Variants in FREM1 observed in about 807,000 individuals in gnomAD.
FREM1 encodes FRAS1-related extracellular matrix protein 1.
FREM1 carries 220 observed loss-of-function variants against 210.1 expected under a neutral mutation model. The ratio of observed to expected loss-of-function variants is 1.05; its 90% CI spans 0.94 to 1.17. The LOEUF (loss-of-function observed/expected upper bound fraction) is 1.17, where lower values mean the gene tolerates loss of function less well. Among genes scored for constraint, FREM1 ranks in the 50% most tolerant of loss-of-function variants. The probability of loss-of-function intolerance (pLI) is 0.00; values close to 1 mark genes in which losing one functional copy is unlikely to be tolerated. For synonymous variants in FREM1, 1,189 were observed against 980.2 expected (o/e 1.21, Z -3.98); for missense variants, 3,454 against 2,675.5 (o/e 1.29, Z -6.42).
chr9:14,836,848 T>G lies in FREM1; in HGVS notation c.1881+4599A>C, dbSNP rs1196839641. ...GAGTCTTCGCCCAAAACCCCCTAAC[T>G]GCAGTTAGTGTGATATTGCCGCAGG... On this transcript the variant is annotated intron_variant, in intron 10 of 36. Transcript: ENST00000380880. This position sits in a 1 kb window ranked among gnomAD's most constrained non-coding sequence, Gnocchi z 4.9. Among the ~76,000 whole-genome samples, 1 of 152,112 alleles carries G rather than the reference T, an allele frequency of 6.6e-6. No homozygotes were observed. The highest frequency in any genetic ancestry group is 2.1e-4 in the South Asian group (1 of 4,826).
intron 1 of FREM1, among the ~76,000 whole-genome samples, chr9:14,877,987 C>CT (rs1834086021): frequency 6.6e-6 from 1 of 152,180 alleles, no homozygotes; most frequent in Non-Finnish European, 1.5e-5. Flanking sequence ...TGTGATCCCC[C>CT]GGTCCAAGCC....
At chr9:14,894,188 G>C (rs1477021804) in intron 1 of FREM1, among the ~76,000 whole-genome samples, 2 of 152,162 alleles carry the variant, frequency 1.3e-5, no homozygotes, top group Non-Finnish European at 2.9e-5. Context: ...TCTTAGGGCT[G>C]TATTTATATA....
chr9:14,877,580 C>G (rs962672905), intron 1 of FREM1, among the ~76,000 whole-genome samples: 2 of 151,960 alleles, frequency 1.3e-5, no homozygotes, highest in Non-Finnish European at 2.9e-5. Flanking sequence ...ATGGGTGTCA[C>G]TCCTATGATT....
At chr9:14,775,659 G>C in intron 25 of FREM1, 130 bp downstream of exon 25, 1 of 620,942 alleles carries the variant, frequency 1.6e-6, no homozygotes, top group Non-Finnish European at 2.7e-6. Context: ...AGTGAGCCAA[G>C]ATCACGCCAC....
At chr9:14,892,258 G>T (rs949611068) in intron 1 of FREM1, among the ~76,000 whole-genome samples, 2 of 152,138 alleles carry the variant, frequency 1.3e-5, no homozygotes, top group African/African-American at 4.8e-5. Context: ...ACCCCAAAGG[G>T]ATGATACTGA....
Position 14,737,490 on chromosome 9 carries a change from T to C in FREM1, c.6446A>G (p.Lys2149Arg), listed in dbSNP as rs1182706433. The C allele has an allele frequency of 1.9e-6, 3 of 1,613,672 alleles. No homozygotes were observed. The highest frequency in any genetic ancestry group is 2.7e-5 in the African/African-American group (2 of 74,912). Residue 2149 changes from lysine to arginine, a missense_variant, in exon 37 of 37, where the codon AAG (lysine) becomes AGG (arginine). Coordinates refer to ENST00000380880, the MANE Select transcript of FREM1 (RefSeq NM_001379081.2). Reference protein sequence around the residue: ...RGPSQRSKLGKSCVLVQRQGK... With the variant: ...RGPSQRSKLGRSCVLVQRQGK... The stretch of plus-strand genomic sequence containing the variant: ...TTGTCTTTGAACCAAAACACAGCTC[T>C]TTCCAAGCTTGGAGCGTTGAGAGGG...
intron 25 of FREM1, among the ~76,000 whole-genome samples, chr9:14,772,693 C>A (rs1847798958): frequency 6.6e-6 from 1 of 152,142 alleles, no homozygotes; most frequent in Admixed American, 6.5e-5. Flanking sequence ...ACTTTCAAAG[C>A]AATGAGATTG....
At chr9:14,774,187 C>T (rs758941488) in intron 25 of FREM1, 1 of 515,248 alleles carries the variant, frequency 1.9e-6, no homozygotes, top group South Asian at 1.4e-5. Flanking sequence ...AGACTTCCCT[C>T]ATAGATAAGA....
At chr9:14,841,644 G>A in intron 9 of FREM1, 55 bp from the exon 10 acceptor site, 1 of 1,373,578 alleles carries the variant, frequency 7.3e-7, no homozygotes, top group Non-Finnish European at 9.8e-7. Flanking sequence ...AAATATCGAG[G>A]GACAATGATA....
chr9:14,863,369 T>C (rs1269702160), intron 3 of FREM1, among the ~76,000 whole-genome samples: 1 of 150,116 alleles, frequency 6.7e-6, no homozygotes, highest in Non-Finnish European at 1.5e-5. Context: ...GAATTTTAAA[T>C]ATTTAATATG....
Position 14,859,285 on chromosome 9 carries a change from T to A in FREM1, c.529A>T (p.Thr177Ser). The A allele has an allele frequency of 6.2e-7, 1 of 1,613,814 alleles. No homozygotes were observed. Among genetic ancestry groups the A allele is most frequent in the Non-Finnish European group, 8.5e-7 (1 of 1,179,800 alleles). Residue 177 changes from threonine (T) to serine (S), a missense_variant, in exon 4 of 37, where the codon ACT becomes TCT. Transcript: ENST00000380880. The part of the protein sequence containing the change: ...ASLECTVSLD[T>S]ARTRLPAHGQ... ...TGGGCTGGCAGCCGAGTTCTCGCAG[T>A]GTCCAGGCTGACGGTACATTCCAGG...
chr9:14,787,852 T>C (rs1218539766), intron 23 of FREM1, among the ~76,000 whole-genome samples: 1 of 152,190 alleles, frequency 6.6e-6, no homozygotes, highest in Non-Finnish European at 1.5e-5. Context: ...GAGAGATAAA[T>C]GTGTACAGTA....
At chr9:14,767,565 G>C (rs112469169) in intron 27 of FREM1, among the ~76,000 whole-genome samples, 1 of 152,156 alleles carries the variant, frequency 6.6e-6, no homozygotes, top group South Asian at 2.1e-4. Context: ...CAATGAAATA[G>C]AGCAAACACC....
chr9:14,748,103 A>G (rs1842779554), intron 31 of FREM1, among the ~76,000 whole-genome samples: 1 of 152,178 alleles, frequency 6.6e-6, no homozygotes, highest in Non-Finnish European at 1.5e-5. Flanking sequence ...GCATCATTTC[A>G]TCTCACTCTA....
intron 36 of FREM1, among the ~76,000 whole-genome samples, chr9:14,739,453 T>TATATATATATATATATATAATTC (rs1307766398): frequency 1.1e-3 from 18 of 16,298 alleles, no homozygotes; most frequent in Non-Finnish European, 1.6e-3. Flanking sequence ...ATTTGGAATA[T>TATATATATATATATATATAATTC]ATATATATAT....
intron 1 of FREM1, among the ~76,000 whole-genome samples, chr9:14,904,155 G>C (rs934520381): frequency 8.8e-5 from 13 of 148,522 alleles, no homozygotes; most frequent in African/African-American, 3.2e-4. Context: ...ACATTTCTGT[G>C]ATTCTGGGTT....
intron 1 of FREM1, among the ~76,000 whole-genome samples, chr9:14,876,126 G>T (rs1833681234): frequency 1.3e-5 from 2 of 152,152 alleles, no homozygotes; most frequent in South Asian, 2.1e-4. Flanking sequence ...GGGGTCAGGG[G>T]TCAGGGACCC....
rs771825569 is a variant in FREM1, at chr9:14,869,001, T to C, written c.-24A>G. 2.0e-6 allele frequency: 3 copies of C among 1,486,040 alleles called. No individual in the cohort carries two copies. Among genetic ancestry groups the C allele is most frequent in the Admixed American group, 2.0e-5 (1 of 50,498 alleles). The allele number at this position is 1,486,040 out of a possible 1,614,324, so 92.1% of individuals were successfully genotyped here. ...ATGCTGACAGGGCCCAACTCTTCTC[T>C]GTCCACCGGCGAAATCCCTTTAACA... On this transcript the variant is annotated 5_prime_UTR_variant, in exon 2 of 37. Transcript: ENST00000380880.
chr9:14,851,413 G>GA lies in FREM1; in HGVS notation c.1022dup (p.Gln342ProfsTer24). 1 of 1,613,888 alleles carries GA rather than the reference G, an allele frequency of 6.2e-7. No homozygotes were observed. The highest frequency in any genetic ancestry group is 8.5e-7 in the Non-Finnish European group (1 of 1,179,824). On this transcript the variant is annotated frameshift_variant, in exon 6 of 37. Coordinates refer to ENST00000380880, the MANE Select transcript of FREM1 (RefSeq NM_001379081.2). LOFTEE classifies it high-confidence loss of function. ...CCAACAGGTGAGTCACATAGCCCTG[G>GA]AGCGGGGCTTTAGTAATGTTGAACA...
Sources: gnomAD v4.1 joint callset for allele counts (sites outside exome capture counted in the v4.1 genomes callset) on GRCh38, gnomAD v4.1.1 for gene constraint, Gnocchi (gnomAD v3.1) non-coding constraint, MANE v1.5 for transcripts, NCBI Gene and HGNC (gene_info 2026-07-23, HGNC 2026-07-21) for gene names.